GSTM2: variants seen among roughly 807,000 people sequenced by gnomAD.
The protein encoded by GSTM2 is glutathione S-transferase mu 2, also known as GST class-mu 2.
Under a neutral mutation model 33.3 loss-of-function variants are expected in GSTM2, and 33 were observed. The ratio of observed to expected loss-of-function variants is 0.99; its 90% CI spans 0.75 to 1.33. The LOEUF (loss-of-function observed/expected upper bound fraction) is 1.33, where lower values mean the gene tolerates loss of function less well. Ranked by LOEUF, GSTM2 falls within the 40% of genes most tolerant of loss-of-function variation. The pLI is 0.00. For synonymous variants in GSTM2, 93 were observed against 95.6 expected (o/e 0.97, Z 0.16); for missense variants, 213 against 265.8 (o/e 0.80, Z 1.38).
At chr1:109,669,907 C>G (rs1022169175) in intron 5 of GSTM2, 6 of 273,442 alleles carry the variant, frequency 2.2e-5, no homozygotes, top group Non-Finnish European at 4.2e-5. Flanking sequence ...TTGGTGGGTT[C>G]ATGGTCTGGC....
At chr1:109,677,665 T>C (rs1414684136), downstream of GSTM2, among the ~76,000 whole-genome samples, 1 of 152,202 alleles carries the variant, frequency 6.6e-6, no homozygotes, top group African/African-American at 2.4e-5. Flanking sequence ...AGGTTGCCTA[T>C]TGAAGGGGCC....
intron 3 of GSTM2, 85 bp downstream of exon 3, chr1:109,669,074 G>T (rs1647434696): frequency 1.0e-5 from 15 of 1,468,662 alleles, no homozygotes; most frequent in Middle Eastern, 2.4e-4. Context: ...GAGGTGTTAA[G>T]ATCAGGAGTC....
downstream of GSTM2, among the ~76,000 whole-genome samples, chr1:109,676,439 C>G (rs956958118): frequency 4.6e-5 from 7 of 152,164 alleles, no homozygotes; most frequent in South Asian, 1.5e-3. Context: ...GCAACCTCCC[C>G]TTCCTGGGTT....
intron 7 of GSTM2, among the ~76,000 whole-genome samples, chr1:109,673,941 A>G (rs1445747779): frequency 1.3e-5 from 2 of 152,204 alleles, no homozygotes; most frequent in African/African-American, 4.8e-5. Context: ...TGTGCACAGC[A>G]CATCTGAGTG....
At chr1:109,679,161 T>G (rs886911293), downstream of GSTM2, among the ~76,000 whole-genome samples, 3 of 152,016 alleles carry the variant, frequency 2.0e-5, no homozygotes, top group Admixed American at 6.5e-5. Flanking sequence ...GATTTTTTTT[T>G]TTTAATAAGA....
chr1:109,675,952 C>T (rs567974658), downstream of GSTM2, among the ~76,000 whole-genome samples: 2 of 152,338 alleles, frequency 1.3e-5, no homozygotes, highest in East Asian at 3.9e-4. Flanking sequence ...CTCACAGTTC[C>T]ACAGGGCCTG....
At chr1:109,669,738 G>GGTGTGT (rs1647463991) in intron 5 of GSTM2, 167 bp downstream of exon 5, 4 of 595,686 alleles carry the variant, frequency 6.7e-6, no homozygotes, top group Non-Finnish European at 1.2e-5. Context: ...TCTTAAAGAT[G>GGTGTGT]GTGTGTCCGG....
chr1:109,671,973 G>GAAAA (rs34285855), intron 7 of GSTM2, among the ~76,000 whole-genome samples: 8 of 76,378 alleles, frequency 1.0e-4, no homozygotes, highest in Admixed American at 3.1e-4. Context: ...TCCATCTCAA[G>GAAAA]AAAAAAAAAA....
rs1425472321 is a variant in GSTM2 at position 109,669,518 on chromosome 1, C to T, written c.307C>T (p.Gln103Ter). ...GATTCGCGAAGACATTTTGGAGAAC[C>T]AGTTTATGGACAGCCGTATGCAGCT... ...EQIREDILEN[Q>*]FMDSRMQLAK... Residue 103 changes from glutamine to a stop codon, truncating the protein, a stop_gained, in exon 5 of 8, where the codon CAG becomes TAG. Transcript: ENST00000241337. LOFTEE classifies it high-confidence loss of function. The T allele has an allele frequency of 6.2e-7, 1 of 1,613,958 alleles. No homozygotes were observed. The highest frequency in any genetic ancestry group is 2.2e-5 in the East Asian group (1 of 44,866).
At chr1:109,678,303 A>T (rs950707040), downstream of GSTM2, among the ~76,000 whole-genome samples, 45 of 152,062 alleles carry the variant, frequency 3.0e-4, no homozygotes, top group African/African-American at 1.1e-3. Context: ...CACCTGGCTA[A>T]TTTTTGTATT....
intron 5 of GSTM2, chr1:109,670,930 C>G (rs1460854240): frequency 1.5e-5 from 3 of 197,730 alleles, no homozygotes; most frequent in Non-Finnish European, 3.1e-5. Context: ...ACTTCTTTCT[C>G]TGAGCTCCTT....
In GSTM2 at chr1:109,673,163, C is replaced by T. The variant is rs768627375; in HGVS notation, c.567+1580C>T. On this transcript the variant is annotated intron_variant, in intron 7 of 7. Coordinates refer to ENST00000241337, the MANE Select transcript of GSTM2 (RefSeq NM_000848.4). ...GGGATTACAAGCGTGAGCCACCGCG[C>T]CTGGCCTCTTCCTCTCTTTTTTTCC... 1.9e-5 allele frequency: 30 copies of T among 1,607,438 alleles called. No individual in the cohort carries two copies. In the South Asian group the frequency reaches 2.9e-4, roughly 15 times the overall value.
In GSTM2 at chr1:109,669,010, G is replaced by A. The variant is rs764670031; in HGVS notation, c.177+21G>A. The A allele has an allele frequency of 3.1e-6, 5 of 1,610,450 alleles. No individual in the cohort carries two copies. In the African/African-American group the frequency reaches 4.0e-5, roughly 13 times the overall value. On this transcript the variant is annotated intron_variant, in intron 3 of 7. Coordinates refer to ENST00000241337, the MANE Select transcript of GSTM2 (RefSeq NM_000848.4). ...CCAATGTAGGTGCAGGGGAAGGGGC[G>A]GTTTTGGGGGAAAGTGCGACGTGTC...
At chr1:109,678,154 C>CT (rs917417443), downstream of GSTM2, among the ~76,000 whole-genome samples, 28 of 152,018 alleles carry the variant, frequency 1.8e-4, no homozygotes, top group African/African-American at 5.8e-4. Context: ...CATTTTACTT[C>CT]TTTTTTTTGA....
At chr1:109,668,268 G>T in intron 1 of GSTM2, 117 bp downstream of exon 1, 1 of 1,350,852 alleles carries the variant, frequency 7.4e-7, no homozygotes. Context: ...TGACAGCGGG[G>T]TCTGTGCTTG....
chr1:109,680,265 A>G (rs1174920707), downstream of GSTM2, among the ~76,000 whole-genome samples: 1 of 128,886 alleles, frequency 7.8e-6, no homozygotes, highest in Non-Finnish European at 1.6e-5. Context: ...AAGAACCTTG[A>G]CTAGTACACA....
chr1:109,674,052 A>C (rs1169629009), intron 7 of GSTM2, among the ~76,000 whole-genome samples: 1 of 152,138 alleles, frequency 6.6e-6, no homozygotes, highest in Non-Finnish European at 1.5e-5. Context: ...TTTCTGCTTT[A>C]AGGGGAATGA....
At chr1:109,673,023 C>T (rs967376087) in intron 7 of GSTM2, among the ~76,000 whole-genome samples, 1 of 152,118 alleles carries the variant, frequency 6.6e-6, no homozygotes, top group African/African-American at 2.4e-5. Flanking sequence ...GTGTGTACCA[C>T]CACGTCCAGC....
chr1:109,673,937 C>G (rs1398077566), intron 7 of GSTM2, among the ~76,000 whole-genome samples: 1 of 152,192 alleles, frequency 6.6e-6, no homozygotes, highest in African/African-American at 2.4e-5. Flanking sequence ...AGATTGTGCA[C>G]AGCACATCTG....
Sources: gnomAD v4.1 joint callset for allele counts (sites outside exome capture counted in the v4.1 genomes callset) on GRCh38, gnomAD v4.1.1 for gene constraint, MANE v1.5 for transcripts, NCBI Gene and HGNC (gene_info 2026-07-23, HGNC 2026-07-21) for gene names.